The following SLC36A4 variants were observed in gnomAD, a reference collection of about 807,000 sequenced individuals.
The protein encoded by SLC36A4 is neutral amino acid uniporter 4.
A neutral mutation model predicts 50.5 loss-of-function variants in SLC36A4; 49 were observed. That is an observed-to-expected ratio of 0.97 (90% CI 0.77 to 1.23). SLC36A4 has a LOEUF of 1.23. Among genes scored for constraint, SLC36A4 ranks in the 50% most tolerant of loss-of-function variants. The pLI, the probability that SLC36A4 is intolerant of heterozygous loss-of-function variation, is 0.00. For synonymous variants in SLC36A4, 207 were observed against 206.5 expected (o/e 1.00, Z -0.02); for missense variants, 611 against 608.4 (o/e 1.00, Z -0.05).
intron 6 of SLC36A4, among the ~76,000 whole-genome samples, chr11:93,173,257 T>G (rs1377041758): frequency 1.3e-5 from 2 of 151,022 alleles, no homozygotes; most frequent in African/African-American, 4.9e-5. Context: ...TTGAGAAGTG[T>G]CCGTTCATGT....
intron 3 of SLC36A4, 52 bp downstream of exon 3, chr11:93,184,378 A>T (rs991337710): frequency 7.2e-6 from 8 of 1,110,494 alleles, no homozygotes; most frequent in Non-Finnish European, 9.7e-6. Flanking sequence ...AGGTTGCTAT[A>T]AATGAGACTG....
At chr11:93,189,194 G>C (rs1353578017) in intron 1 of SLC36A4, among the ~76,000 whole-genome samples, 1 of 151,888 alleles carries the variant, frequency 6.6e-6, no homozygotes, top group African/African-American at 2.4e-5. Flanking sequence ...CTCCAGAGTA[G>C]CTGGGATAAC....
Position 93,197,862 on chromosome 11 carries a change from C to T in SLC36A4, c.-30G>A, listed in dbSNP as rs757986116. Reference sequence around the variant, plus strand: ...CGCGGGTCTCCAGGACGCCGCCGCCCGAGTGCTCACTCTCCCGCCGCTGCG... The same window carrying T: ...CGCGGGTCTCCAGGACGCCGCCGCCTGAGTGCTCACTCTCCCGCCGCTGCG... On this transcript the variant is annotated 5_prime_UTR_variant, in exon 1 of 11. Transcript: ENST00000326402. The T allele has an allele frequency of 6.5e-7, 1 of 1,530,120 alleles. No homozygotes were observed. The highest frequency in any genetic ancestry group is 2.5e-5 in the East Asian group (1 of 39,276). The allele number at this position is 1,530,120 out of a possible 1,614,324, so 94.8% of individuals were successfully genotyped here. A position where few individuals can be genotyped will look rare whatever the true frequency, so the allele number is the denominator to read the frequency against.
intron 1 of SLC36A4, among the ~76,000 whole-genome samples, chr11:93,192,200 C>A (rs527965332): frequency 1.3e-3 from 192 of 152,258 alleles, no homozygotes; most frequent in Non-Finnish European, 2.2e-3. Context: ...CCAAAGGAGG[C>A]CTCACTGAGA....
intron 1 of SLC36A4, among the ~76,000 whole-genome samples, chr11:93,194,836 A>G (rs1343607936): frequency 6.6e-6 from 1 of 152,202 alleles, no homozygotes; most frequent in African/African-American, 2.4e-5. Flanking sequence ...AATGCTAGAC[A>G]TAAAATCCAA....
chr11:93,155,934 C>T (rs1590933591), intron 9 of SLC36A4, among the ~76,000 whole-genome samples: 1 of 152,184 alleles, frequency 6.6e-6, no homozygotes, highest in Non-Finnish European at 1.5e-5. Context: ...GCATAGTATT[C>T]CATGATGTAT....
At chr11:93,182,662 G>A in intron 4 of SLC36A4, 144 bp downstream of exon 4, 1 of 480,100 alleles carries the variant, frequency 2.1e-6, no homozygotes. Context: ...TATATGAAAT[G>A]CTACCTTCTT....
chr11:93,160,908 A>G, intron 9 of SLC36A4: 2 of 323,748 alleles, frequency 6.2e-6, no homozygotes, highest in Non-Finnish European at 8.9e-6. Flanking sequence ...TGGTACCATC[A>G]CAGCTCACTG....
At chr11:93,177,849 G>A (rs112331856) in intron 6 of SLC36A4, among the ~76,000 whole-genome samples, 13 of 152,286 alleles carry the variant, frequency 8.5e-5, no homozygotes, top group South Asian at 4.1e-4. Flanking sequence ...CAGTCTGTCC[G>A]TTCTCAGATC....
At chr11:93,175,233 G>A (rs371408540) in intron 6 of SLC36A4, among the ~76,000 whole-genome samples, 14 of 151,758 alleles carry the variant, frequency 9.2e-5, no homozygotes, top group Admixed American at 4.6e-4. Flanking sequence ...GTTTATTTGC[G>A]TAGAGGTGTT....
chr11:93,154,316 G>C (rs1488769390), intron 9 of SLC36A4, 39 bp from the exon 10 acceptor site: 2 of 1,064,350 alleles, frequency 1.9e-6, no homozygotes, highest in Non-Finnish European at 2.5e-6. Context: ...CATTTTTAAT[G>C]TGAATTTAGT....
chr11:93,193,068 C>CATAT, intron 1 of SLC36A4: 1 of 788,770 alleles, frequency 1.3e-6, no homozygotes, highest in South Asian at 5.9e-5. Flanking sequence ...TGTCTTCCTC[C>CATAT]ATATATTAGA....
Position 93,154,093 on chromosome 11 carries a change from TATA to T in SLC36A4, c.1207+12_1207+14del. ...ATAAAAAATTATTATGATATAAATA[TATA>T]ATGATACTTACAAGTAATACTAACC... On this transcript the variant is annotated intron_variant, in intron 10 of 10. Coordinates refer to ENST00000326402, the MANE Select transcript of SLC36A4 (RefSeq NM_152313.4). 1 of 1,255,274 alleles carries T rather than the reference TATA, an allele frequency of 8.0e-7. No homozygotes were observed. Among genetic ancestry groups the T allele is most frequent in the Non-Finnish European group, 1.1e-6 (1 of 921,078 alleles). The allele number at this position is 1,255,274 out of a possible 1,614,324, so 77.8% of individuals were successfully genotyped here.
intron 3 of SLC36A4, among the ~76,000 whole-genome samples, chr11:93,183,587 T>C (rs982029256): frequency 6.6e-6 from 1 of 152,048 alleles, no homozygotes; most frequent in African/African-American, 2.4e-5. Flanking sequence ...CATAAATGGG[T>C]TTCTCCCCTA....
At chr11:93,187,893 C>T (rs1177380498) in intron 1 of SLC36A4, among the ~76,000 whole-genome samples, 1 of 152,184 alleles carries the variant, frequency 6.6e-6, no homozygotes, top group African/African-American at 2.4e-5. Flanking sequence ...GTCAAGGCTT[C>T]CCCCTTCAGT....
Position 93,166,959 on chromosome 11 carries a change from A to G in SLC36A4, c.769-943T>C, listed in dbSNP as rs1191560274. On this transcript the variant is annotated intron_variant, in intron 7 of 10. Coordinates refer to ENST00000326402, the MANE Select transcript of SLC36A4 (RefSeq NM_152313.4). ...TGCTAAACTATTATTTAAGGCAAGC[A>G]GGATGCTATTTCACTTCTCCCAACA... 2.2e-4 allele frequency: 34 copies of G among 152,192 alleles called. 1 individual carries two copies. Among genetic ancestry groups the G allele is most frequent in the Admixed American group, 2.2e-3 (33 of 15,258 alleles). 9.4% of individuals were successfully genotyped at this position (152,192 alleles called of 1,614,324 possible).
At chr11:93,192,494 G>C (rs1241536405) in intron 1 of SLC36A4, among the ~76,000 whole-genome samples, 1 of 152,072 alleles carries the variant, frequency 6.6e-6, no homozygotes. Flanking sequence ...CTTCCAGTAG[G>C]AATGCAATGT....
chr11:93,183,854 C>T (rs1345782992), intron 3 of SLC36A4, among the ~76,000 whole-genome samples: 1 of 152,154 alleles, frequency 6.6e-6, no homozygotes, highest in African/African-American at 2.4e-5. Flanking sequence ...TCCGCCACCA[C>T]GCCCGGCTAA....
chr11:93,196,728 T>C (rs75062941), intron 1 of SLC36A4, among the ~76,000 whole-genome samples: 19,341 of 152,252 alleles, frequency 0.13, 1,436 homozygotes, highest in Non-Finnish European at 0.16. Flanking sequence ...TGCATGAGAA[T>C]ACCCATTTCT....
Sources: allele counts gnomAD v4.1 joint callset (sites outside exome capture counted in the v4.1 genomes callset), GRCh38; gene constraint gnomAD v4.1.1; transcripts MANE v1.5; gene names NCBI Gene and HGNC (gene_info 2026-07-23, HGNC 2026-07-21).